Variants in SLC12A7 observed in about 807,000 individuals in gnomAD.
SLC12A7 encodes solute carrier family 12 member 7, also known as K-Cl cotransporter 4.
A neutral mutation model predicts 120.6 loss-of-function variants in SLC12A7; 100 were observed. That is an observed-to-expected ratio of 0.83 (90% CI 0.71 to 0.98). SLC12A7 has a LOEUF of 0.98. SLC12A7 is among the 50% of genes least tolerant of loss of function. SLC12A7 has a pLI of 0.00. For synonymous variants in SLC12A7, 760 were observed against 678.0 expected, an observed-to-expected ratio of 1.12 and a Z score of -1.88; for missense variants, 1,373 against 1,548.1, an observed-to-expected ratio of 0.89 and a Z score of 1.90.
At chr5:1,076,947 G>A (rs553250092) in intron 12 of SLC12A7, 135 bp from the exon 13 acceptor site, 62 of 673,080 alleles carry the variant, frequency 9.2e-5, no homozygotes, top group African/African-American at 6.5e-4. Context: ...GTAGGTCCCC[G>A]GGACATCACG....
intron 3 of SLC12A7, among the ~76,000 whole-genome samples, chr5:1,091,887 G>A (rs1740560901): frequency 6.6e-6 from 1 of 152,240 alleles, no homozygotes; most frequent in South Asian, 2.1e-4. Context: ...GTGCAGCAGT[G>A]ATGGTCCCAC....
At chr5:1,147,238 G>A in the SLC12A7 span, among the ~76,000 whole-genome samples, 1 of 87,944 alleles carries the variant, frequency 1.1e-5, no homozygotes, top group South Asian at 5.4e-4. Context: ...CCTCATCACG[G>A]CCCACCCCGC....
chr5:1,059,094 C>T (rs771599882), intron 21 of SLC12A7, among the ~76,000 whole-genome samples: 14 of 152,344 alleles, frequency 9.2e-5, no homozygotes, highest in Middle Eastern at 3.4e-3. Context: ...GCGACCCTGC[C>T]GGATCTCAGG....
upstream of SLC12A7, among the ~76,000 whole-genome samples, chr5:1,113,504 T>A (rs999587846): frequency 4.6e-5 from 7 of 152,188 alleles, no homozygotes; most frequent in African/African-American, 1.7e-4. Flanking sequence ...GGGACCCTCC[T>A]GGAACGTCGC....
the SLC12A7 span, among the ~76,000 whole-genome samples, chr5:1,138,318 A>T: frequency 2.0e-5 from 3 of 152,246 alleles, no homozygotes; most frequent in East Asian, 5.8e-4. Context: ...CATCCTGCTG[A>T]TTGGTCCATT....
chr5:1,063,835 G>A lies in SLC12A7; in HGVS notation c.2739+9C>T, dbSNP rs200878219. The A allele has an allele frequency of 6.7e-4, 637 of 950,736 alleles. 1 individual carries two copies. The African/African-American group carries it at 0.011, about 17-fold the overall frequency. 58.9% of individuals were successfully genotyped at this position (950,736 alleles called of 1,614,324 possible). On this transcript the variant is annotated intron_variant, in intron 20 of 23. Transcript: ENST00000264930. ...CCCGGCCTCCTCCCCTCAAGCCCTCGGGACTCACCATCTCCACCACCTCCA... is the reference window on the plus strand; with the variant it reads ...CCCGGCCTCCTCCCCTCAAGCCCTCAGGACTCACCATCTCCACCACCTCCA...
At chr5:1,084,373 C>T (rs1277192567) in intron 7 of SLC12A7, among the ~76,000 whole-genome samples, 4 of 152,226 alleles carry the variant, frequency 2.6e-5, no homozygotes, top group East Asian at 1.9e-4. Context: ...CGCGCCAGCA[C>T]AGCCACGCTG....
chr5:1,077,168 C>G lies in SLC12A7; in HGVS notation c.1630-356G>C, dbSNP rs1019076962. Among the ~76,000 whole-genome samples the G allele has an allele frequency of 8.5e-5, 13 of 152,090 alleles. No homozygotes were observed. The East Asian group carries it at 2.1e-3, about 25-fold the overall frequency. On this transcript the variant is annotated intron_variant, in intron 12 of 23. Coordinates refer to ENST00000264930, the MANE Select transcript of SLC12A7 (RefSeq NM_006598.3). ...TTTCTCATCAGGCCACCCTCACCTCCCAGAAGCTGAGGCCCACGGGGCCTG... is the reference window on the plus strand; with the variant it reads ...TTTCTCATCAGGCCACCCTCACCTCGCAGAAGCTGAGGCCCACGGGGCCTG...
At chr5:1,063,305 G>A (rs980604783) in intron 20 of SLC12A7, among the ~76,000 whole-genome samples, 5 of 152,216 alleles carry the variant, frequency 3.3e-5, no homozygotes, top group Non-Finnish European at 2.9e-5. Flanking sequence ...TCCAGCCGTG[G>A]GAAGGTGAGC....
At chr5:1,062,651 G>A (rs1017190303) in intron 20 of SLC12A7, among the ~76,000 whole-genome samples, 20 of 151,604 alleles carry the variant, frequency 1.3e-4, no homozygotes, top group African/African-American at 3.4e-4. Flanking sequence ...GCAGGTGCTC[G>A]GGGCCTCTGC....
intron 5 of SLC12A7, 81 bp from the exon 6 acceptor site, chr5:1,087,114 G>T: frequency 5.4e-6 from 8 of 1,473,370 alleles, no homozygotes; most frequent in South Asian, 1.4e-5. Context: ...TGCCATTCAC[G>T]GGCAAAGGAG....
At position 1,085,419 on chromosome 5, in the gene SLC12A7, C is replaced by A. The variant is rs143024441; in HGVS notation, c.730G>T (p.Ala244Ser). The A allele has an allele frequency of 3.5e-3, 5,621 of 1,609,792 alleles. 77 individuals carry two copies. Among genetic ancestry groups the A allele is most frequent in the Non-Finnish European group, 2.4e-3 (2,859 of 1,178,764 alleles). The change falls in exon 7 of 24, where the codon GCG (alanine) becomes TCG (serine). Residue 244 changes from alanine (A) to serine (S), a missense_variant. Ala to Ser is a moderately conservative substitution (Grantham distance 99, BLOSUM62 1). Coordinates refer to ENST00000264930, the MANE Select transcript of SLC12A7 (RefSeq NM_006598.3). ...IFQAEAAGGE[A>S]AAMLHNMRVY... ...CGCATGTTGTGCAGCATGGCGGCCG[C>A]CTCGCCACCTGCAGCCTCCGCCTGG...
chr5:1,153,179 C>T, the SLC12A7 span, among the ~76,000 whole-genome samples: 5 of 152,184 alleles, frequency 3.3e-5, no homozygotes, highest in African/African-American at 9.7e-5. Flanking sequence ...GGGTCTCTAC[C>T]CCCGGGTGCT....
intron 8 of SLC12A7, among the ~76,000 whole-genome samples, chr5:1,082,146 A>T (rs1191518117): frequency 1.1e-4 from 15 of 139,430 alleles, no homozygotes; most frequent in Non-Finnish European, 2.3e-4. Context: ...GGTTCTGGGG[A>T]AGTCCGGGCT....
the SLC12A7 span, among the ~76,000 whole-genome samples, chr5:1,149,156 A>G: frequency 6.6e-6 from 1 of 150,892 alleles, no homozygotes; most frequent in Admixed American, 6.6e-5. Flanking sequence ...GGGACTGTGG[A>G]TCCTATGATG....
At chr5:1,151,910 G>A in the SLC12A7 span, among the ~76,000 whole-genome samples, 5 of 152,198 alleles carry the variant, frequency 3.3e-5, no homozygotes, top group African/African-American at 1.2e-4. The surrounding 1 kb of genome is among the most constrained non-coding windows in gnomAD (Gnocchi z 6.2). Context: ...TGTCCTGATA[G>A]CTGGATCTGG....
the SLC12A7 span, among the ~76,000 whole-genome samples, chr5:1,150,934 T>G: frequency 3.9e-5 from 6 of 152,246 alleles, no homozygotes; most frequent in Non-Finnish European, 5.9e-5. Flanking sequence ...AAGGAGAGCA[T>G]GCAGCCAGCT....
chr5:1,064,263 A>G lies in SLC12A7; in HGVS notation c.2438-11T>C, dbSNP rs1736675407. 3 of 1,603,836 alleles carry G rather than the reference A, an allele frequency of 1.9e-6. No homozygotes were observed. The highest frequency in any genetic ancestry group is 2.6e-6 in the Non-Finnish European group (3 of 1,175,114). On this transcript the variant is annotated splice_polypyrimidine_tract_variant and intron_variant, in intron 18 of 23. Transcript: ENST00000264930. The stretch of plus-strand genomic sequence containing the variant: ...TGTCGCGGACGGTGTCTGCGGAGAG[A>G]GGCGGCCGTCCGCAGGTCATCTGAG...
intron 1 of SLC12A7, among the ~76,000 whole-genome samples, chr5:1,100,472 G>A (rs1434636705): frequency 2.0e-5 from 3 of 152,262 alleles, no homozygotes; most frequent in African/African-American, 4.8e-5. Flanking sequence ...CAGCACAGCA[G>A]GCCCCAAAGG....
Sources: gnomAD v4.1 joint callset for allele counts (sites outside exome capture counted in the v4.1 genomes callset) on GRCh38, gnomAD v4.1.1 for gene constraint, Gnocchi (gnomAD v3.1) non-coding constraint, MANE v1.5 for transcripts, NCBI Gene and HGNC (gene_info 2026-07-23, HGNC 2026-07-21) for gene names.